Variants in GFRA2 observed in about 807,000 individuals in gnomAD.
GFRA2 encodes the protein GDNF family receptor alpha-2.
GFRA2 carries 17 observed loss-of-function variants against 48.3 expected under a neutral mutation model. That is an observed-to-expected ratio of 0.35 (90% CI 0.24 to 0.53). The LOEUF (loss-of-function observed/expected upper bound fraction) is 0.53. Ranked by LOEUF, GFRA2 falls within the 20% of genes least tolerant of loss-of-function variation. The pLI, the probability that GFRA2 is intolerant of heterozygous loss-of-function variation, is 0.93. For synonymous variants in GFRA2, 305 were observed against 257.2 expected (o/e 1.19, Z -1.78); for missense variants, 660 against 637.3 (o/e 1.04, Z -0.38).
intron 7 of GFRA2, among the ~76,000 whole-genome samples, chr8:21,698,285 C>G (rs1279670057): frequency 1.3e-5 from 2 of 152,200 alleles, no homozygotes; most frequent in African/African-American, 4.8e-5. Context: ...CCAGAAGCAT[C>G]AAAGAACTGG....
rs1159236794 is a variant in GFRA2, at chr8:21,794,233, C to CTTT, written c.-35-6042_-35-6040dup. Among the ~76,000 whole-genome samples, 75 of 66,990 alleles carry CTTT rather than the reference C, an allele frequency of 1.1e-3. 7 individuals are homozygous for CTTT. The highest frequency in any genetic ancestry group is 1.4e-3 in the Non-Finnish European group (49 of 35,788). 43.9% of individuals were successfully genotyped at this position (66,990 alleles called of 152,430 possible). A position where few individuals can be genotyped will look rare whatever the true frequency, so the allele number is the denominator to read the frequency against. ...AAAATTAAGCTTATCCTGAGAGTGA[C>CTTT]TTTTTTTTTTTTTTTTTTTTTTTTT... is the stretch of plus-strand genomic sequence containing the variant. On this transcript the variant is annotated intron_variant, in intron 2 of 10. Transcript: ENST00000517328.
At chr8:21,735,120 A>G (rs1255064640) in intron 4 of GFRA2, among the ~76,000 whole-genome samples, 1 of 152,204 alleles carries the variant, frequency 6.6e-6, no homozygotes, top group Non-Finnish European at 1.5e-5. Context: ...CACCTCGGGC[A>G]CATGTCATCA....
chr8:21,805,047 A>G (rs557638051), exon 2 of GFRA2: 7 of 152,380 alleles, frequency 4.6e-5, no homozygotes, highest in Middle Eastern at 3.4e-3. Flanking sequence ...CACACAATGC[A>G]ATGTCAACAG....
intron 3 of GFRA2, among the ~76,000 whole-genome samples, chr8:21,763,351 C>T (rs911009718): frequency 1.3e-5 from 2 of 152,132 alleles, no homozygotes; most frequent in African/African-American, 4.8e-5. Flanking sequence ...CCCATCTGTC[C>T]TCCTGGGAAG....
chr8:21,796,006 G>A (rs1807668374), intron 2 of GFRA2, among the ~76,000 whole-genome samples: 1 of 152,168 alleles, frequency 6.6e-6, no homozygotes, highest in South Asian at 2.1e-4. Flanking sequence ...GACTTCTCGA[G>A]AAAACTGTGA....
At chr8:21,731,288 A>T (rs1804179546) in intron 4 of GFRA2, among the ~76,000 whole-genome samples, 1 of 152,148 alleles carries the variant, frequency 6.6e-6, no homozygotes. Context: ...ACAGTCTGTG[A>T]CAAAAACACA....
intron 4 of GFRA2, among the ~76,000 whole-genome samples, chr8:21,725,784 C>T (rs1403947537): frequency 6.6e-6 from 1 of 152,196 alleles, no homozygotes; most frequent in East Asian, 1.9e-4. Flanking sequence ...CTCTGCAGTG[C>T]AAGCCCAAGG....
intron 1 of GFRA2, among the ~76,000 whole-genome samples, chr8:21,810,492 G>C (rs1023805071): frequency 2.0e-5 from 3 of 152,184 alleles, no homozygotes; most frequent in African/African-American, 7.2e-5. Flanking sequence ...TCCTTGGCAT[G>C]CTCAGAATAC....
intron 4 of GFRA2, among the ~76,000 whole-genome samples, chr8:21,749,766 T>C (rs1805187450): frequency 1.3e-5 from 2 of 151,186 alleles, no homozygotes; most frequent in South Asian, 4.2e-4. Context: ...AGTCGGACGG[T>C]CCTAGCTTTG....
chr8:21,755,511 C>T (rs1412200136), intron 3 of GFRA2, among the ~76,000 whole-genome samples: 1 of 152,182 alleles, frequency 6.6e-6, no homozygotes, highest in Non-Finnish European at 1.5e-5. Flanking sequence ...CCAGGCACTT[C>T]CCCAGACACT....
intron 1 of GFRA2, among the ~76,000 whole-genome samples, chr8:21,806,896 T>C (rs887774049): frequency 6.6e-6 from 1 of 152,232 alleles, no homozygotes; most frequent in Non-Finnish European, 1.5e-5. Flanking sequence ...TATGTCATCA[T>C]ATTTTCTCAG....
chr8:21,750,755 G>A lies in GFRA2; in HGVS notation c.627C>T (p.Asp209=). 6.2e-7 allele frequency: 1 copy of A among 1,614,020 alleles called. No homozygotes were observed. The highest frequency in any genetic ancestry group is 8.5e-7 in the Non-Finnish European group (1 of 1,179,898). ...KCHKALRQFF[D]RVPSEYTYRM... ...GGTAGGTGTACTCGCTGGGCACCCG[G>A]TCGAAGAACTGGCGCAGGGCCTTGT... is the stretch of plus-strand genomic sequence containing the variant. The change falls in exon 4 of 9, where the codon GAC becomes GAT. Residue 209 remains aspartate, a synonymous_variant. Coordinates refer to ENST00000524240, the MANE Select transcript of GFRA2 (RefSeq NM_001495.5). The surrounding 1 kb of genome is among the most constrained non-coding windows in gnomAD (Gnocchi z 5.7).
intron 3 of GFRA2, among the ~76,000 whole-genome samples, chr8:21,756,719 C>T (rs1364459481): frequency 2.0e-5 from 3 of 152,186 alleles, no homozygotes; most frequent in South Asian, 2.1e-4. Context: ...GGGCTACAGC[C>T]CCTGAGCTAA....
intron 4 of GFRA2, among the ~76,000 whole-genome samples, chr8:21,733,873 A>C (rs1423709818): frequency 6.6e-6 from 1 of 152,204 alleles, no homozygotes; most frequent in East Asian, 1.9e-4. Context: ...TCCAGGAAGC[A>C]AAACAACCAC....
chr8:21,742,403 CT>C (rs1804790867), intron 4 of GFRA2, among the ~76,000 whole-genome samples: 1 of 152,190 alleles, frequency 6.6e-6, no homozygotes, highest in South Asian at 2.1e-4. Context: ...GAAAAAGGCC[CT>C]CATCACAGGG....
At chr8:21,803,906 G>T (rs1807813416) in intron 2 of GFRA2, among the ~76,000 whole-genome samples, 1 of 152,130 alleles carries the variant, frequency 6.6e-6, no homozygotes, top group African/African-American at 2.4e-5. Context: ...ACTGTGCATG[G>T]CCCATAGCTA....
chr8:21,725,903 AC>A (rs1803846751), intron 4 of GFRA2, among the ~76,000 whole-genome samples: 2 of 152,128 alleles, frequency 1.3e-5, no homozygotes, highest in Non-Finnish European at 2.9e-5. Flanking sequence ...TCCGAGCAAG[AC>A]CCCAGGATGG....
chr8:21,803,297 C>T (rs1321502353), intron 2 of GFRA2, among the ~76,000 whole-genome samples: 1 of 152,150 alleles, frequency 6.6e-6, no homozygotes, highest in Admixed American at 6.5e-5. Flanking sequence ...ACCCACATCC[C>T]ATTGGCCAGA....
upstream of GFRA2, among the ~76,000 whole-genome samples, chr8:21,792,868 C>T (rs1330329237): frequency 1.3e-5 from 2 of 152,186 alleles, no homozygotes; most frequent in Non-Finnish European, 2.9e-5. Flanking sequence ...AGTTCCAGAC[C>T]AGCCTGACCA....
Sources: allele counts gnomAD v4.1 joint callset (sites outside exome capture counted in the v4.1 genomes callset), GRCh38; gene constraint gnomAD v4.1.1; non-coding constraint Gnocchi (gnomAD v3.1); transcripts MANE v1.5; gene names NCBI Gene and HGNC (gene_info 2026-07-23, HGNC 2026-07-21).